Variants in FBXO4 observed in about 807,000 individuals in gnomAD.
FBXO4 encodes F-box only protein 4.
A neutral mutation model predicts 43.7 loss-of-function variants in FBXO4; 36 were observed. The ratio of observed to expected loss-of-function variants is 0.82; its 90% CI spans 0.63 to 1.09. The LOEUF is 1.09. Ranked by LOEUF, FBXO4 falls within the 50% of genes least tolerant of loss-of-function variation. The pLI is 0.00. For synonymous variants in FBXO4, 180 were observed against 165.6 expected (o/e 1.09, Z -0.67); for missense variants, 435 against 474.1 (o/e 0.92, Z 0.77).
downstream of FBXO4, among the ~76,000 whole-genome samples, chr5:41,946,099 A>C (rs1018419618): frequency 6.6e-6 from 1 of 152,172 alleles, no homozygotes; most frequent in African/African-American, 2.4e-5. Context: ...TAAACTTAAT[A>C]ATAAATGCTG....
chr5:41,941,962 A>C (rs999825104), downstream of FBXO4, among the ~76,000 whole-genome samples: 8 of 152,148 alleles, frequency 5.3e-5, no homozygotes, highest in South Asian at 8.3e-4. Context: ...TGTATGTATC[A>C]TATTACTTCC....
the FBXO4 span, among the ~76,000 whole-genome samples, chr5:41,976,836 T>G: frequency 4.6e-5 from 7 of 152,208 alleles, no homozygotes; most frequent in Non-Finnish European, 1.0e-4. Context: ...CCACATTTCC[T>G]CTTCACACGG....
At chr5:41,959,183 A>T in the FBXO4 span, among the ~76,000 whole-genome samples, 6 of 152,140 alleles carry the variant, frequency 3.9e-5, no homozygotes, top group South Asian at 1.2e-3. Context: ...AGCCATCCGT[A>T]TATCTTCTTT....
the FBXO4 span, among the ~76,000 whole-genome samples, chr5:41,950,974 A>T: frequency 6.6e-6 from 1 of 152,174 alleles, no homozygotes; most frequent in South Asian, 2.1e-4. Flanking sequence ...AGAAAACCAA[A>T]CACCACATGT....
chr5:42,024,433 C>T, the FBXO4 span, among the ~76,000 whole-genome samples: 1 of 151,100 alleles, frequency 6.6e-6, no homozygotes, highest in Non-Finnish European at 1.5e-5. Flanking sequence ...TTGTGGGTAC[C>T]TAATAGAGGT....
the FBXO4 span, among the ~76,000 whole-genome samples, chr5:42,002,204 G>A: frequency 6.6e-6 from 1 of 152,092 alleles, no homozygotes. Flanking sequence ...GAATGCTATG[G>A]AATGACGATG....
At chr5:41,981,316 T>C in the FBXO4 span, among the ~76,000 whole-genome samples, 1 of 151,998 alleles carries the variant, frequency 6.6e-6, no homozygotes, top group South Asian at 2.1e-4. Flanking sequence ...ACAACCAAAA[T>C]ATTAACAAGA....
chr5:41,954,694 G>C, the FBXO4 span, among the ~76,000 whole-genome samples: 12 of 152,130 alleles, frequency 7.9e-5, no homozygotes, highest in African/African-American at 2.9e-4. Flanking sequence ...TCAGGAAACA[G>C]GATATTACTT....
chr5:42,014,624 AC>A, the FBXO4 span, among the ~76,000 whole-genome samples: 1 of 152,186 alleles, frequency 6.6e-6, no homozygotes, highest in Non-Finnish European at 1.5e-5. Flanking sequence ...AGGTTTTTTA[AC>A]ACAGAAAATA....
At chr5:42,016,881 T>C in the FBXO4 span, among the ~76,000 whole-genome samples, 16,701 of 152,010 alleles carry the variant, frequency 0.11, 1,448 homozygotes, top group African/African-American at 0.24. Context: ...TAACCTAACT[T>C]TTTTTGTTGA....
chr5:42,012,323 C>T, the FBXO4 span, among the ~76,000 whole-genome samples: 12 of 151,936 alleles, frequency 7.9e-5, no homozygotes, highest in East Asian at 1.9e-3. Flanking sequence ...TAGATGTGAG[C>T]ATGTGTGTGT....
the FBXO4 span, among the ~76,000 whole-genome samples, chr5:41,948,545 C>T: frequency 2.6e-5 from 4 of 151,888 alleles, no homozygotes; most frequent in South Asian, 2.1e-4. Flanking sequence ...AACGAATGAA[C>T]GTTACAGCAG....
rs1008250452 is a variant in FBXO4, at chr5:41,934,434, C to A, written c.898+126C>A. 33 of 1,510,490 alleles carry A rather than the reference C, an allele frequency of 2.2e-5. No homozygotes were observed. In the African/African-American group the frequency reaches 4.6e-4, roughly 21 times the overall value. 93.6% of individuals were successfully genotyped at this position (1,510,490 alleles called of 1,614,324 possible). A position where few individuals can be genotyped will look rare whatever the true frequency, so the allele number is the denominator to read the frequency against. ...TTATTTTATCAATGTGATTTTCTGACCCTTACTATTAATAGTGTGTTCTCA... is the reference window on the plus strand; with the variant it reads ...TTATTTTATCAATGTGATTTTCTGAACCTTACTATTAATAGTGTGTTCTCA... On this transcript the variant is annotated intron_variant, in intron 5 of 6. Transcript: ENST00000281623.
intron 5 of FBXO4, chr5:41,934,795 T>A: frequency 2.0e-6 from 2 of 998,962 alleles, no homozygotes; most frequent in Non-Finnish European, 2.4e-6. Context: ...AGTAGATTAG[T>A]TGAGAACACT....
intron 5 of FBXO4, among the ~76,000 whole-genome samples, chr5:41,935,690 C>T (rs1751831102): frequency 6.6e-6 from 1 of 152,218 alleles, no homozygotes; most frequent in Non-Finnish European, 1.5e-5. Flanking sequence ...TGCACAGGGC[C>T]TACCTAAGGC....
At chr5:41,943,233 A>G (rs1385162351), downstream of FBXO4, among the ~76,000 whole-genome samples, 1 of 152,144 alleles carries the variant, frequency 6.6e-6, no homozygotes, top group African/African-American at 2.4e-5. Context: ...TAAAAAATCA[A>G]TTTCCTGGAC....
At chr5:41,971,668 A>G in the FBXO4 span, among the ~76,000 whole-genome samples, 3 of 152,124 alleles carry the variant, frequency 2.0e-5, no homozygotes, top group South Asian at 6.2e-4. Context: ...ATCTTAAAAT[A>G]GGTAAAATGT....
the FBXO4 span, among the ~76,000 whole-genome samples, chr5:42,030,517 T>A: frequency 6.6e-6 from 1 of 152,016 alleles, no homozygotes; most frequent in African/African-American, 2.4e-5. Context: ...GAAGAAAACC[T>A]AGGCAATACC....
At chr5:41,965,101 T>C in the FBXO4 span, among the ~76,000 whole-genome samples, 1 of 152,230 alleles carries the variant, frequency 6.6e-6, no homozygotes, top group African/African-American at 2.4e-5. Flanking sequence ...TTTCTACATA[T>C]GGCTAGCCAG....
Sources: gnomAD v4.1 joint callset for allele counts (sites outside exome capture counted in the v4.1 genomes callset) on GRCh38, gnomAD v4.1.1 for gene constraint, MANE v1.5 for transcripts, NCBI Gene and HGNC (gene_info 2026-07-23, HGNC 2026-07-21) for gene names.